Variants in RBFOX1 observed in about 807,000 individuals in gnomAD.
RBFOX1 encodes RNA binding protein fox-1 homolog 1.
Under a neutral mutation model 57.7 loss-of-function variants are expected in RBFOX1, and 8 were observed. The ratio of observed to expected loss-of-function variants is 0.14; its 90% CI spans 0.08 to 0.25. RBFOX1 has a LOEUF of 0.25. RBFOX1 is among the 10% of genes least tolerant of loss of function. The probability of loss-of-function intolerance (pLI) is 1.00; values close to 1 mark genes in which losing one functional copy is unlikely to be tolerated. For synonymous variants in RBFOX1, 326 were observed against 222.4 expected (o/e 1.47, Z -4.15); for missense variants, 611 against 548.5 (o/e 1.11, Z -1.14).
At chr16:7,157,210 C>T (rs1464542258) in intron 4 of RBFOX1, among the ~76,000 whole-genome samples, 3 of 152,206 alleles carry the variant, frequency 2.0e-5, no homozygotes, top group East Asian at 3.8e-4. Flanking sequence ...AAAGCCTCTC[C>T]TTGTGTGTGT....
At chr16:6,481,423 G>C (rs2095369459) in intron 2 of RBFOX1, among the ~76,000 whole-genome samples, 1 of 152,232 alleles carries the variant, frequency 6.6e-6, no homozygotes, top group Admixed American at 6.5e-5. Context: ...CATGTGCTGA[G>C]AACACGAGGA....
intron 1 of RBFOX1, among the ~76,000 whole-genome samples, chr16:6,146,375 T>A (rs371909394): frequency 3.3e-5 from 5 of 152,360 alleles, no homozygotes; most frequent in African/African-American, 1.2e-4. Context: ...TCCAAAATTG[T>A]AGATCAGCTG....
chr16:6,001,436 T>C (rs2060598219), intron 4 of RBFOX1, among the ~76,000 whole-genome samples: 1 of 152,202 alleles, frequency 6.6e-6, no homozygotes, highest in Admixed American at 6.5e-5. Context: ...GGGCCACACA[T>C]ACTGTGAAGG....
chr16:6,665,450 C>G (rs1056149177), intron 3 of RBFOX1, among the ~76,000 whole-genome samples: 6 of 151,868 alleles, frequency 4.0e-5, no homozygotes, highest in African/African-American at 1.2e-4. Context: ...CCCATCGCTG[C>G]TAAAAATAAA....
At chr16:6,652,066 G>A (rs1057408315) in intron 2 of RBFOX1, among the ~76,000 whole-genome samples, 1 of 152,194 alleles carries the variant, frequency 6.6e-6, no homozygotes, top group African/African-American at 2.4e-5. Flanking sequence ...CAATGTGATT[G>A]TGTTTTGGAG....
chr16:6,886,827 G>A (rs889137831), intron 3 of RBFOX1, among the ~76,000 whole-genome samples: 6 of 151,804 alleles, frequency 4.0e-5, no homozygotes, highest in Middle Eastern at 3.4e-3. Flanking sequence ...GTGAAGAAAC[G>A]TTTGCTTTAG....
chr16:6,178,177 CTTTTTTTTTTTTTTTTT>C (rs34382826), intron 1 of RBFOX1, among the ~76,000 whole-genome samples: 2 of 69,616 alleles, frequency 2.9e-5, no homozygotes, highest in Non-Finnish European at 2.7e-5. Flanking sequence ...AAAGGTCACT[CTTTTTTTTTTTTTTTTT>C]TTTTTTTTTG....
intron 10 of RBFOX1, among the ~76,000 whole-genome samples, chr16:7,626,727 G>C (rs756844658): frequency 2.0e-5 from 3 of 152,088 alleles, no homozygotes; most frequent in Non-Finnish European, 4.4e-5. Context: ...TTGAACTTCA[G>C]GCATGCAAAT....
chr16:5,363,845 A>C (rs1300090537), intron 1 of RBFOX1, among the ~76,000 whole-genome samples: 1 of 152,152 alleles, frequency 6.6e-6, no homozygotes, highest in Non-Finnish European at 1.5e-5. Context: ...TCTAGAGTGC[A>C]TGGCTGTTCC....
At chr16:6,870,394 G>C (rs1048012125) in intron 3 of RBFOX1, among the ~76,000 whole-genome samples, 2 of 152,078 alleles carry the variant, frequency 1.3e-5, no homozygotes, top group African/African-American at 2.4e-5. Context: ...TTTGCATTTG[G>C]ATTGTTTCAG....
chr16:6,092,527 C>T (rs938608980), intron 1 of RBFOX1: 22 of 152,216 alleles, frequency 1.4e-4, no homozygotes, highest in African/African-American at 5.3e-4. Flanking sequence ...GTTATAACTT[C>T]ACCATAATAC....
intron 1 of RBFOX1, among the ~76,000 whole-genome samples, chr16:5,290,646 A>C (rs947153615): frequency 1.3e-5 from 2 of 151,908 alleles, no homozygotes; most frequent in Non-Finnish European, 2.9e-5. Context: ...TGGATAAATG[A>C]GGAACGGCAT....
intron 1 of RBFOX1, among the ~76,000 whole-genome samples, chr16:6,230,823 A>G (rs1198535909): frequency 2.6e-5 from 4 of 152,244 alleles, no homozygotes; most frequent in African/African-American, 9.6e-5. Flanking sequence ...GAGATGGAAT[A>G]GAAATGCTAA....
At chr16:6,662,019 A>T (rs2098704528) in intron 3 of RBFOX1, among the ~76,000 whole-genome samples, 1 of 152,162 alleles carries the variant, frequency 6.6e-6, no homozygotes. Flanking sequence ...GGTGAAGTGA[A>T]GTAAGCCACA....
At chr16:6,338,482 T>C (rs899410172) in intron 2 of RBFOX1, among the ~76,000 whole-genome samples, 3 of 152,232 alleles carry the variant, frequency 2.0e-5, no homozygotes, top group Non-Finnish European at 4.4e-5. Context: ...AGTTGATCTT[T>C]ATTAATAGTA....
At chr16:6,297,235 A>G (rs11643531) in intron 1 of RBFOX1, among the ~76,000 whole-genome samples, 147,261 of 152,158 alleles carry the variant, frequency 0.97, 71,435 homozygotes, top group South Asian at 1. Flanking sequence ...ATCTTGTGCC[A>G]ACCTCCTATC....
intron 3 of RBFOX1, among the ~76,000 whole-genome samples, chr16:7,020,954 C>T (rs948675903): frequency 6.6e-6 from 1 of 152,128 alleles, no homozygotes; most frequent in Non-Finnish European, 1.5e-5. Flanking sequence ...TGGTGAAATC[C>T]TGTCTCTACT....
chr16:6,352,857 T>C (rs1294836822), intron 2 of RBFOX1, among the ~76,000 whole-genome samples: 1 of 152,162 alleles, frequency 6.6e-6, no homozygotes, highest in Non-Finnish European at 1.5e-5. Context: ...ATAATTTCCT[T>C]CATGCTCGCA....
intron 12 of RBFOX1, among the ~76,000 whole-genome samples, chr16:7,656,989 A>C (rs1012779921): frequency 6.6e-6 from 1 of 152,180 alleles, no homozygotes. Flanking sequence ...CATCTTTTCT[A>C]AGATGTCACC....
Sources: allele counts gnomAD v4.1 joint callset (sites outside exome capture counted in the v4.1 genomes callset), GRCh38; gene constraint gnomAD v4.1.1; transcripts MANE v1.5; gene names NCBI Gene and HGNC (gene_info 2026-07-23, HGNC 2026-07-21).